FBXW11: variants seen among roughly 807,000 people sequenced by gnomAD.
The protein encoded by FBXW11 is F-box and WD repeat domain containing 11.
In FBXW11, 19 loss-of-function variants were observed where a neutral mutation model predicts 77.6. That is an observed-to-expected ratio of 0.24 (90% confidence interval 0.17 to 0.36). The LOEUF (loss-of-function observed/expected upper bound fraction) is 0.36, where lower values mean the gene tolerates loss of function less well. FBXW11 is among the 10% of genes least tolerant of loss of function. The probability of loss-of-function intolerance (pLI) is 1.00; values close to 1 mark genes in which losing one functional copy is unlikely to be tolerated. For synonymous variants in FBXW11, 235 were observed against 249.4 expected (o/e 0.94, Z 0.54); for missense variants, 334 against 704.2 (o/e 0.47, Z 5.95).
intron 1 of FBXW11, among the ~76,000 whole-genome samples, chr5:172,006,033 G>A (rs879381846): frequency 2.6e-5 from 4 of 151,912 alleles, no homozygotes; most frequent in Non-Finnish European, 4.4e-5. Context: ...ACCCATCTCC[G>A]TACTCCTTCC....
At chr5:171,970,154 CTA>C (rs1265217401) in intron 1 of FBXW11, among the ~76,000 whole-genome samples, 3 of 152,196 alleles carry the variant, frequency 2.0e-5, no homozygotes, top group South Asian at 2.1e-4. Context: ...TTGAATTCTG[CTA>C]TGTTTTGGCT....
In FBXW11 at chr5:171,983,760, G is replaced by A. The variant is rs563029340; in HGVS notation, c.45+22698C>T. 3.9e-4 allele frequency among the ~76,000 whole-genome samples: 59 copies of A among 152,208 alleles called. 3 individuals are homozygous for A. The South Asian group carries it at 0.011, about 28-fold the overall frequency. On this transcript the variant is annotated intron_variant, in intron 1 of 13. Coordinates refer to ENST00000517395, the MANE Select transcript of FBXW11 (RefSeq NM_001378974.1). ...CCCAAAACAAGCAGTATCTATTAAA[G>A]CTAAATATATGCCTACCCCCATTAC... is the stretch of plus-strand genomic sequence containing the variant.
chr5:171,904,933 T>C lies in FBXW11; in HGVS notation c.437-4833A>G, dbSNP rs765947884. Among the ~76,000 whole-genome samples, 30 of 152,176 alleles carry C rather than the reference T, an allele frequency of 2.0e-4. No individual in the cohort carries two copies. The highest frequency in any genetic ancestry group is 9.2e-4 in the Admixed American group (14 of 15,270). On this transcript the variant is annotated intron_variant, in intron 4 of 13. Coordinates refer to ENST00000517395, the MANE Select transcript of FBXW11 (RefSeq NM_001378974.1). This position sits in a 1 kb window ranked among gnomAD's most constrained non-coding sequence, Gnocchi z 4.0. ...TGAAGTATTAGGAACTATTGGTTTATAGCAATGATATCCCTTTTAGTCCTC... is the reference window on the plus strand; with the variant it reads ...TGAAGTATTAGGAACTATTGGTTTACAGCAATGATATCCCTTTTAGTCCTC...
Position 171,910,802 on chromosome 5 carries a change from T to G in FBXW11, c.211-5A>C. The G allele has an allele frequency of 6.5e-7, 1 of 1,530,782 alleles. No individual in the cohort carries two copies. Among genetic ancestry groups the G allele is most frequent in the Non-Finnish European group, 8.8e-7 (1 of 1,141,828 alleles). The allele number at this position is 1,530,782 out of a possible 1,614,324, so 94.8% of individuals were successfully genotyped here. A position where few individuals can be genotyped will look rare whatever the true frequency, so the allele number is the denominator to read the frequency against. On this transcript the variant is annotated splice_polypyrimidine_tract_variant and splice_region_variant and intron_variant, in intron 3 of 13. Transcript: ENST00000517395. ...AGATGATGTTCCATTACTTATCTAT[T>G]TTAGAAAAACAAAAAAAAAATTAGT...
At chr5:171,881,502 T>C (rs1299247501) in intron 7 of FBXW11, among the ~76,000 whole-genome samples, 2 of 152,222 alleles carry the variant, frequency 1.3e-5, no homozygotes, top group South Asian at 2.1e-4. Flanking sequence ...GACGGATTAA[T>C]TGATTTTTGA....
intron 1 of FBXW11, among the ~76,000 whole-genome samples, chr5:171,982,051 T>C (rs1765175474): frequency 6.6e-6 from 1 of 152,106 alleles, no homozygotes; most frequent in Middle Eastern, 3.2e-3. Context: ...ACAGGGAAGT[T>C]TTTTGGGGTG....
intron 6 of FBXW11, among the ~76,000 whole-genome samples, chr5:171,893,005 C>T (rs1362855874): frequency 6.6e-6 from 1 of 152,170 alleles, no homozygotes; most frequent in Non-Finnish European, 1.5e-5. Flanking sequence ...CTGAAAGCTA[C>T]ATGCCAGGCA....
chr5:171,920,609 A>C (rs1337692479), intron 2 of FBXW11, among the ~76,000 whole-genome samples: 1 of 151,988 alleles, frequency 6.6e-6, no homozygotes, highest in Admixed American at 6.6e-5. Context: ...CAGGAGGCCA[A>C]GGCAAGAGGA....
At chr5:172,003,535 TAAGGCCCTAA>T in intron 1 of FBXW11, among the ~76,000 whole-genome samples, 1 of 152,262 alleles carries the variant, frequency 6.6e-6, no homozygotes, top group South Asian at 2.1e-4. Context: ...TGGGCCAATA[TAAGGCCCTAA>T]AAGTCATCTG....
chr5:171,988,573 G>A (rs970886674), intron 1 of FBXW11, among the ~76,000 whole-genome samples: 4 of 152,156 alleles, frequency 2.6e-5, no homozygotes, highest in South Asian at 2.1e-4. Context: ...ATTCTGGCAC[G>A]GTGGCTCACG....
chr5:171,872,779 T>A, intron 10 of FBXW11, 93 bp downstream of exon 10: 1 of 878,692 alleles, frequency 1.1e-6, no homozygotes. Context: ...ACATCCCATT[T>A]ACCCTGAGTT....
At chr5:171,998,608 C>T (rs1414318053) in intron 1 of FBXW11, among the ~76,000 whole-genome samples, 1 of 151,438 alleles carries the variant, frequency 6.6e-6, no homozygotes, top group African/African-American at 2.4e-5. Context: ...GCCAGCCTGA[C>T]CAACATGGTG....
intron 2 of FBXW11, among the ~76,000 whole-genome samples, chr5:171,936,109 T>TAAAAAAAAAAAAAAAA (rs61349170): frequency 1.7e-5 from 1 of 59,356 alleles, no homozygotes; most frequent in African/African-American, 6.7e-5. Context: ...AGACTCCATC[T>TAAAAAAAAAAAAAAAA]AAAAAAAAAA....
intron 7 of FBXW11, among the ~76,000 whole-genome samples, chr5:171,885,579 G>GT (rs1363887603): frequency 6.6e-6 from 1 of 152,118 alleles, no homozygotes; most frequent in Admixed American, 6.6e-5. Flanking sequence ...ATTTTTACTT[G>GT]TTGTCAGGAC....
chr5:171,945,231 AT>A (rs1215715923), intron 2 of FBXW11, among the ~76,000 whole-genome samples: 1 of 152,258 alleles, frequency 6.6e-6, no homozygotes, highest in Non-Finnish European at 1.5e-5. Context: ...TGAAGAGGAG[AT>A]ATCTGATCAT....
intron 1 of FBXW11, among the ~76,000 whole-genome samples, chr5:171,962,294 A>G (rs775890038): frequency 6.6e-6 from 1 of 151,754 alleles, no homozygotes; most frequent in Admixed American, 6.6e-5. Context: ...ACCCAGGAGG[A>G]TCATAGTGGG....
At chr5:171,963,145 G>A (rs982442132) in intron 1 of FBXW11, among the ~76,000 whole-genome samples, 4 of 151,700 alleles carry the variant, frequency 2.6e-5, no homozygotes, top group African/African-American at 9.7e-5. Flanking sequence ...TTCTCCAGGA[G>A]CTCACAGAAG....
intron 1 of FBXW11, among the ~76,000 whole-genome samples, chr5:172,003,781 A>G (rs1344351528): frequency 6.6e-6 from 1 of 152,218 alleles, no homozygotes; most frequent in Non-Finnish European, 1.5e-5. Flanking sequence ...CTTATCAAAA[A>G]TGCAAGGAAA....
intron 3 of FBXW11, among the ~76,000 whole-genome samples, chr5:171,913,807 CCACACACACATACACACACACACACACA>C (rs1409013712): frequency 1.4e-4 from 14 of 97,912 alleles, no homozygotes; most frequent in Admixed American, 5.7e-4. Context: ...AAACCCCCAA[CCACACACACATACACACACACACACACA>C]CACACACACA....
Sources: gnomAD v4.1 joint callset for allele counts (sites outside exome capture counted in the v4.1 genomes callset) on GRCh38, gnomAD v4.1.1 for gene constraint, Gnocchi (gnomAD v3.1) non-coding constraint, MANE v1.5 for transcripts, NCBI Gene and HGNC (gene_info 2026-07-23, HGNC 2026-07-21) for gene names.